The following RIOK3 variants were observed in gnomAD, a reference collection of about 807,000 sequenced individuals.
The protein encoded by RIOK3 is serine/threonine-protein kinase RIO3.
Under a neutral mutation model 63.5 loss-of-function variants are expected in RIOK3, and 40 were observed. That is an observed-to-expected ratio of 0.63 (90% CI 0.49 to 0.82). The LOEUF is 0.82. RIOK3 is among the 40% of genes least tolerant of loss of function. The pLI is 0.00. For missense variants in RIOK3, 557 were observed against 637.0 expected, an observed-to-expected ratio of 0.87 and a Z score of 1.35; for synonymous variants, 193 against 205.0, an observed-to-expected ratio of 0.94 and a Z score of 0.50.
chr18:23,479,457 G>A, intron 12 of RIOK3, 33 bp downstream of exon 12: 1 of 1,358,210 alleles, frequency 7.4e-7, no homozygotes, highest in Non-Finnish European at 1.1e-6. Context: ...TCACCTTGCT[G>A]GTCATGCAGA....
rs2057382392 is a variant in RIOK3, at chr18:23,463,082, A to G, written c.179+3A>G. The G allele has an allele frequency of 3.8e-6, 6 of 1,583,828 alleles. No individual in the cohort carries two copies. Among genetic ancestry groups the G allele is most frequent in the African/African-American group, 1.4e-5 (1 of 74,036 alleles). ...GCTGCCGTTTTTCCTGAAGTTGCGT[A>G]AGTAAAATTCACAAATACTTTATCT... is the stretch of plus-strand genomic sequence containing the variant. On this transcript the variant is annotated splice_donor_region_variant and intron_variant, in intron 2 of 12. Transcript: ENST00000339486.
intron 5 of RIOK3, among the ~76,000 whole-genome samples, chr18:23,464,948 C>T (rs112832443): frequency 8.5e-5 from 13 of 152,082 alleles, no homozygotes; most frequent in African/African-American, 2.4e-4. Context: ...AAACAGATAA[C>T]GGTGGCGATT....
At chr18:23,458,607 T>C (rs1339386706) in intron 1 of RIOK3, among the ~76,000 whole-genome samples, 2 of 152,212 alleles carry the variant, frequency 1.3e-5, no homozygotes, top group African/African-American at 4.8e-5. Context: ...TGACTTTGGA[T>C]AGCTAGGACA....
chr18:23,474,189 A>G (rs1278178701), intron 8 of RIOK3, among the ~76,000 whole-genome samples: 1 of 152,142 alleles, frequency 6.6e-6, no homozygotes, highest in Admixed American at 6.6e-5. Flanking sequence ...TGCTTTCAAA[A>G]GTAATTATTC....
In RIOK3 at chr18:23,463,187, C is replaced by T. The variant is rs1306831919; in HGVS notation, c.179+108C>T. 9 of 662,782 alleles carry T rather than the reference C, an allele frequency of 1.4e-5. No homozygotes were observed. In the East Asian group the frequency reaches 2.6e-4, roughly 19 times the overall value. 41.1% of individuals were successfully genotyped at this position (662,782 alleles called of 1,614,324 possible). ...TTGGAAAAAGCAGTGCAGAAGAAAG[C>T]ACCATATTGAGAGTCCAGTGATACT... On this transcript the variant is annotated intron_variant, in intron 2 of 12. Transcript: ENST00000339486.
At chr18:23,463,911 C>A (rs2057388057) in intron 2 of RIOK3, 56 bp from the exon 3 acceptor site, 6 of 1,462,624 alleles carry the variant, frequency 4.1e-6, no homozygotes, top group Non-Finnish European at 5.6e-6. Context: ...TCATAATTGG[C>A]AACCTCTGTT....
Position 23,459,927 on chromosome 18 carries a change from C to T in RIOK3, c.64-3037C>T, listed in dbSNP as rs540569860. Among the ~76,000 whole-genome samples the T allele has an allele frequency of 5.9e-5, 9 of 152,332 alleles. No homozygotes were observed. The South Asian group carries it at 1.7e-3, about 28-fold the overall frequency. Reference sequence around the variant, plus strand: ...CAGACTGGTCTCGAACTCCTGACCTCAGGTGATTCGCCTGCCTCGGCCTCT... The same window carrying T: ...CAGACTGGTCTCGAACTCCTGACCTTAGGTGATTCGCCTGCCTCGGCCTCT... On this transcript the variant is annotated intron_variant, in intron 1 of 12. Transcript: ENST00000339486.
chr18:23,453,663 A>T (rs917794208), intron 1 of RIOK3, among the ~76,000 whole-genome samples, 161 bp downstream of exon 1: 1 of 152,160 alleles, frequency 6.6e-6, no homozygotes, highest in Non-Finnish European at 1.5e-5. Context: ...CGGGATGGGG[A>T]TGGAGGGAGC....
intron 5 of RIOK3, among the ~76,000 whole-genome samples, chr18:23,465,522 A>G (rs557465368): frequency 6.6e-6 from 1 of 152,358 alleles, no homozygotes; most frequent in Admixed American, 6.5e-5. Flanking sequence ...ATCTAATTCT[A>G]GAAGAGTTCT....
intron 6 of RIOK3, among the ~76,000 whole-genome samples, chr18:23,466,655 A>G (rs1413268459): frequency 2.1e-5 from 3 of 146,336 alleles, no homozygotes; most frequent in African/African-American, 7.6e-5. Flanking sequence ...GTGCCACTGT[A>G]CTGCAGCCTG....
chr18:23,459,936 C>G (rs1339017931), intron 1 of RIOK3, among the ~76,000 whole-genome samples: 1 of 152,166 alleles, frequency 6.6e-6, no homozygotes, highest in Non-Finnish European at 1.5e-5. Flanking sequence ...TCAGGTGATT[C>G]GCCTGCCTCG....
In RIOK3 at chr18:23,469,304, C is replaced by CCT. The variant is rs376929343; in HGVS notation, c.815+1810_815+1811dup. On this transcript the variant is annotated intron_variant, in intron 7 of 12. Coordinates refer to ENST00000339486, the MANE Select transcript of RIOK3 (RefSeq NM_003831.5). ...CAAAGCTCTGGTTCCTTTCTTTCTT[C>CCT]CTCTCTCTCTCTCTCTCTCTCTCTC... Among the ~76,000 whole-genome samples, 137 of 19,408 alleles carry CCT rather than the reference C, an allele frequency of 7.1e-3. 3 individuals carry two copies. Among genetic ancestry groups the CCT allele is most frequent in the Non-Finnish European group, 8.8e-3 (87 of 9,872 alleles). 12.7% of individuals were successfully genotyped at this position (19,408 alleles called of 152,430 possible).
chr18:23,475,157 C>A (rs1342927959), intron 9 of RIOK3, 50 bp downstream of exon 9: 3 of 1,481,352 alleles, frequency 2.0e-6, no homozygotes, highest in Admixed American at 2.1e-5. Context: ...AAAAATATTT[C>A]CTCTAAACTT....
At chr18:23,468,266 C>G (rs1458336285) in intron 7 of RIOK3, among the ~76,000 whole-genome samples, 3 of 145,042 alleles carry the variant, frequency 2.1e-5, no homozygotes, top group Admixed American at 1.4e-4. Context: ...TATCCTTTGT[C>G]CATTTTCTGT....
chr18:23,473,497 C>T lies in RIOK3; in HGVS notation c.884C>T (p.Thr295Ile). 6.2e-7 allele frequency: 1 copy of T among 1,611,202 alleles called. No homozygotes were observed. The highest frequency in any genetic ancestry group is 8.5e-7 in the Non-Finnish European group (1 of 1,177,710). Residue 295 changes from threonine to isoleucine, a missense_variant, in exon 8 of 13, where the codon ACC (threonine) becomes ATC (isoleucine). Thr to Ile is a moderately conservative substitution (Grantham distance 89, BLOSUM62 -1). Coordinates refer to ENST00000339486, the MANE Select transcript of RIOK3 (RefSeq NM_003831.5). ...TECAIKVFKT[T>I]LNEFKNRDKY... The stretch of plus-strand genomic sequence containing the variant: ...TGTGCCATCAAGGTATTTAAAACAA[C>T]CCTTAATGAATTTAAGAATCGTGAC...
Position 23,481,376 on chromosome 18 carries a change from A to G in RIOK3, c.*97A>G. 1.4e-6 allele frequency: 1 copy of G among 721,004 alleles called. No individual in the cohort carries two copies. Among genetic ancestry groups the G allele is most frequent in the Non-Finnish European group, 2.3e-6 (1 of 438,478 alleles). 44.7% of individuals were successfully genotyped at this position (721,004 alleles called of 1,614,324 possible). Reference sequence around the variant, plus strand: ...TGACTTGAAATACCAAAACCTGAGGAGTGGGCAATGGTGCTTCTGTGCTTT... The same window carrying G: ...TGACTTGAAATACCAAAACCTGAGGGGTGGGCAATGGTGCTTCTGTGCTTT... On this transcript the variant is annotated 3_prime_UTR_variant, in exon 13 of 13. Coordinates refer to ENST00000339486, the MANE Select transcript of RIOK3 (RefSeq NM_003831.5).
intron 11 of RIOK3, 134 bp from the exon 12 acceptor site, chr18:23,479,183 C>CTGTGTGTGTG: frequency 1.9e-6 from 1 of 524,204 alleles, no homozygotes; most frequent in African/African-American, 1.9e-5. Flanking sequence ...GTTGAAATTA[C>CTGTGTGTGTG]TGTGTGTGTG....
chr18:23,454,325 A>G (rs1712879410), intron 1 of RIOK3, among the ~76,000 whole-genome samples: 1 of 152,214 alleles, frequency 6.6e-6, no homozygotes, highest in Non-Finnish European at 1.5e-5. Context: ...TTCCCATTTA[A>G]AAGGTCTTAT....
intron 11 of RIOK3, 149 bp downstream of exon 11, chr18:23,477,417 T>C: frequency 1.5e-6 from 1 of 665,380 alleles, no homozygotes; most frequent in Non-Finnish European, 2.7e-6. Context: ...AAAGATCAAT[T>C]TGTCATATTT....
Sources: gnomAD v4.1 joint callset for allele counts (sites outside exome capture counted in the v4.1 genomes callset) on GRCh38, gnomAD v4.1.1 for gene constraint, MANE v1.5 for transcripts, NCBI Gene and HGNC (gene_info 2026-07-23, HGNC 2026-07-21) for gene names.